The following RIMS1 variants were observed in gnomAD, a reference collection of about 807,000 sequenced individuals.
RIMS1 encodes regulating synaptic membrane exocytosis protein 1.
RIMS1 carries 83 observed loss-of-function variants against 214.1 expected under a neutral mutation model. The observed-to-expected ratio is 0.39, with a 90% CI of 0.32 to 0.47. The LOEUF is 0.47. RIMS1 is among the 20% of genes least tolerant of loss of function. The pLI is 0.99. For missense variants in RIMS1, 2,050 were observed against 2,161.8 expected, an observed-to-expected ratio of 0.95 and a Z score of 1.03; for synonymous variants, 793 against 786.8, an observed-to-expected ratio of 1.01 and a Z score of -0.13.
intron 2 of RIMS1, among the ~76,000 whole-genome samples, chr6:72,009,377 G>T (rs919559853): frequency 1.1e-4 from 16 of 152,322 alleles, no homozygotes; most frequent in African/African-American, 3.8e-4. Flanking sequence ...AAGCAGGAAA[G>T]ATCTAAAATT....
chr6:71,889,532 C>T (rs976514495), intron 1 of RIMS1, among the ~76,000 whole-genome samples: 2 of 152,166 alleles, frequency 1.3e-5, no homozygotes, highest in African/African-American at 2.4e-5. Flanking sequence ...ATCCATCAGC[C>T]TCCTCTGCTA....
chr6:71,937,779 T>C (rs1218361211), intron 1 of RIMS1, among the ~76,000 whole-genome samples: 3 of 152,192 alleles, frequency 2.0e-5, no homozygotes, highest in Non-Finnish European at 4.4e-5. Context: ...GTCAGTTATA[T>C]TTCAACATAA....
chr6:72,266,924 C>T (rs1222677491), intron 22 of RIMS1, among the ~76,000 whole-genome samples: 1 of 152,074 alleles, frequency 6.6e-6, no homozygotes, highest in African/African-American at 2.4e-5. Context: ...ACCCGCTCCT[C>T]CTTCTTAGTA....
rs551511837 is a variant in RIMS1 at position 72,260,593 on chromosome 6, T to C, written c.3054-112T>C. 95 of 1,375,400 alleles carry C rather than the reference T, an allele frequency of 6.9e-5. No individual in the cohort carries two copies. In the Admixed American group the frequency reaches 1.0e-3, roughly 15 times the overall value. 85.2% of individuals were successfully genotyped at this position (1,375,400 alleles called of 1,614,324 possible). On this transcript the variant is annotated intron_variant, in intron 18 of 33. Coordinates refer to ENST00000521978, the MANE Select transcript of RIMS1 (RefSeq NM_014989.7). ...TGTTTAACCTCTCAAGCAAATATGC[T>C]AGTGCAGACAATCTGGTTTCTTCCC...
intron 19 of RIMS1, among the ~76,000 whole-genome samples, chr6:72,264,314 C>T (rs74941082): frequency 0.032 from 4,827 of 152,204 alleles, 119 homozygotes; most frequent in Non-Finnish European, 0.053. Context: ...AATCAGATGC[C>T]GTTGGGCCAA....
intron 16 of RIMS1, among the ~76,000 whole-genome samples, chr6:72,254,406 G>C (rs1259257034): frequency 6.6e-6 from 1 of 152,072 alleles, no homozygotes; most frequent in Non-Finnish European, 1.5e-5. Flanking sequence ...CATCATATTA[G>C]TTTGTCATGA....
intron 29 of RIMS1, among the ~76,000 whole-genome samples, chr6:72,340,128 G>A (rs1428697168): frequency 6.6e-5 from 10 of 151,824 alleles, no homozygotes; most frequent in Non-Finnish European, 1.2e-4. Context: ...TTGTTGATGG[G>A]GTTGTTTGTT....
intron 2 of RIMS1, among the ~76,000 whole-genome samples, chr6:72,084,739 G>A (rs1302181950): frequency 1.3e-5 from 2 of 152,088 alleles, no homozygotes; most frequent in Admixed American, 6.6e-5. Flanking sequence ...CTTGACTGAA[G>A]CAATAGACTA....
intron 29 of RIMS1, among the ~76,000 whole-genome samples, chr6:72,383,860 A>G (rs2098539644): frequency 6.6e-6 from 1 of 152,110 alleles, no homozygotes; most frequent in Admixed American, 6.5e-5. Flanking sequence ...AAAATAACTG[A>G]ATTTGTCACC....
intron 3 of RIMS1, among the ~76,000 whole-genome samples, chr6:72,098,304 T>C (rs1010985596): frequency 4.9e-5 from 7 of 143,620 alleles, no homozygotes; most frequent in African/African-American, 1.3e-4. Context: ...TTTTTTTTTT[T>C]CTTTTTTTTC....
Position 72,265,989 on chromosome 6 carries a change from G to A in RIMS1, c.3338G>A (p.Arg1113Lys). Reference sequence around the variant, plus strand: ...CTGCAGCCCTTTCTTGACAGGGCTAGGAGTGCTAGTACCAACTGCTTGAGA... The same window carrying A: ...CTGCAGCCCTTTCTTGACAGGGCTAAGAGTGCTAGTACCAACTGCTTGAGA... ...SELQPFLDRARSASTNCLRPD... is the reference protein window; with the variant it reads ...SELQPFLDRAKSASTNCLRPD... The change falls in exon 22 of 34, where the codon AGG becomes AAG. Residue 1113 changes from arginine (R) to lysine (K), a missense_variant. This residue lies in a region of RIMS1 where 889 missense variants were observed against 885.5 expected (regional missense o/e 1.00). Coordinates refer to ENST00000521978, the MANE Select transcript of RIMS1 (RefSeq NM_014989.7). 6.3e-7 allele frequency: 1 copy of A among 1,582,860 alleles called. No homozygotes were observed.
intron 2 of RIMS1, among the ~76,000 whole-genome samples, chr6:72,082,636 T>C (rs1442047442): frequency 6.6e-6 from 1 of 152,168 alleles, no homozygotes; most frequent in Non-Finnish European, 1.5e-5. Flanking sequence ...ACTCACTTCT[T>C]GGGGTCAAGA....
intron 2 of RIMS1, among the ~76,000 whole-genome samples, chr6:72,071,788 A>G (rs931973352): frequency 5.3e-5 from 8 of 152,212 alleles, no homozygotes; most frequent in African/African-American, 1.9e-4. Flanking sequence ...AATGGAATAG[A>G]TATCTGAAGC....
chr6:72,271,269 GAAAAAAAAA>G (rs1159251437), intron 22 of RIMS1, among the ~76,000 whole-genome samples: 1 of 52,764 alleles, frequency 1.9e-5, no homozygotes, highest in Non-Finnish European at 4.4e-5. Flanking sequence ...CCATCTCAAG[GAAAAAAAAA>G]AAAAAAAAAT....
chr6:72,066,398 A>G (rs926608453), intron 2 of RIMS1, among the ~76,000 whole-genome samples: 17 of 152,294 alleles, frequency 1.1e-4, no homozygotes, highest in Non-Finnish European at 1.3e-4. Context: ...AAATGCTATT[A>G]TTGAATCTCA....
chr6:72,370,559 T>C (rs1049785991), intron 29 of RIMS1, among the ~76,000 whole-genome samples: 2 of 152,216 alleles, frequency 1.3e-5, no homozygotes, highest in Non-Finnish European at 2.9e-5. Context: ...TTACTTCTGA[T>C]TCTACTGAAA....
intron 2 of RIMS1, among the ~76,000 whole-genome samples, chr6:72,089,225 T>C (rs1475793070): frequency 6.6e-6 from 1 of 152,170 alleles, no homozygotes; most frequent in African/African-American, 2.4e-5. Flanking sequence ...TTAGGTTCCA[T>C]CAGTCAAATG....
intron 1 of RIMS1, among the ~76,000 whole-genome samples, chr6:71,888,393 C>G (rs1006094014): frequency 1.3e-5 from 2 of 152,164 alleles, no homozygotes; most frequent in Non-Finnish European, 2.9e-5. Context: ...CCAAAAGGAA[C>G]CTGTTGCATC....
At chr6:72,379,044 C>T (rs2098441923) in intron 29 of RIMS1, among the ~76,000 whole-genome samples, 1 of 152,150 alleles carries the variant, frequency 6.6e-6, no homozygotes, top group South Asian at 2.1e-4. Context: ...CTGTAGAGGA[C>T]TAAAATGTTC....
Sources: gnomAD v4.1 joint callset for allele counts (sites outside exome capture counted in the v4.1 genomes callset) on GRCh38, gnomAD v4.1.1 for gene constraint, gnomAD v4.1.1 regional missense constraint, MANE v1.5 for transcripts, NCBI Gene and HGNC (gene_info 2026-07-23, HGNC 2026-07-21) for gene names.